Variants in ASXL2 observed in about 807,000 individuals in gnomAD.
The protein encoded by ASXL2 is putative Polycomb group protein ASXL2.
A neutral mutation model predicts 122.0 loss-of-function variants in ASXL2; 23 were observed. The ratio of observed to expected loss-of-function variants is 0.19; its 90% CI spans 0.14 to 0.27. The LOEUF (loss-of-function observed/expected upper bound fraction) is 0.27. ASXL2 is among the 10% of genes least tolerant of loss of function. The probability of loss-of-function intolerance (pLI) is 1.00; values close to 1 mark genes in which losing one functional copy is unlikely to be tolerated. For missense variants in ASXL2, 1,518 were observed against 1,713.8 expected (o/e 0.89, Z 2.02); for synonymous variants, 650 against 637.0 (o/e 1.02, Z -0.31).
intron 5 of ASXL2, among the ~76,000 whole-genome samples, chr2:25,775,659 A>G (rs1304168456): frequency 6.6e-6 from 1 of 152,060 alleles, no homozygotes; most frequent in Non-Finnish European, 1.5e-5. Context: ...GCCTTCTGCC[A>G]TGATTGTTGT....
chr2:25,811,220 TCTAGCCTGGG>T (rs1411458170), intron 3 of ASXL2, among the ~76,000 whole-genome samples: 1 of 151,828 alleles, frequency 6.6e-6, no homozygotes, highest in Non-Finnish European at 1.5e-5. Flanking sequence ...ACCACTGCAC[TCTAGCCTGGG>T]CAACAGAGTG....
intron 3 of ASXL2, 52 bp from the exon 4 acceptor site, chr2:25,806,389 T>C: frequency 1.6e-6 from 2 of 1,250,366 alleles, no homozygotes; most frequent in Non-Finnish European, 2.3e-6. Context: ...AATTTCTGTC[T>C]CTGAATATCC....
intron 2 of ASXL2, among the ~76,000 whole-genome samples, chr2:25,837,095 GGC>G (rs1559525016): frequency 1.8e-5 from 2 of 112,578 alleles, no homozygotes; most frequent in Non-Finnish European, 3.6e-5. Flanking sequence ...GGGGGGGGGG[GGC>G]GTGGGAAGCA....
At chr2:25,839,008 T>TTCC (rs2089546775) in intron 2 of ASXL2, among the ~76,000 whole-genome samples, 2 of 151,950 alleles carry the variant, frequency 1.3e-5, no homozygotes, top group Non-Finnish European at 2.9e-5. Flanking sequence ...AGAATAGGGG[T>TTCC]TCCTTAAACA....
At position 25,749,848 on chromosome 2, in the gene ASXL2, A is replaced by G; in HGVS notation, c.1708T>C (p.Ser570Pro). Residue 570 changes from serine (S) to proline (P), a missense_variant, in exon 12 of 13, where the codon TCT (serine) becomes CCT (proline). Physicochemically the swap from Ser to Pro is moderately conservative, Grantham distance 74. Coordinates refer to ENST00000435504, the MANE Select transcript of ASXL2 (RefSeq NM_018263.6). ...GGGGCCTCTTCTTGGGTGAGGGAAG[A>G]CTTCCTCTTGAGGCTTTCTGGGCTC... ...DQSPESLKRK[S>P]SLTQEEAPVS... 1 of 1,610,356 alleles carries G rather than the reference A, an allele frequency of 6.2e-7. No individual in the cohort carries two copies. The highest frequency in any genetic ancestry group is 8.5e-7 in the Non-Finnish European group (1 of 1,178,812).
rs1206371464 is a variant in ASXL2 at position 25,749,963 on chromosome 2, A to C, written c.1593T>G (p.Pro531=). ...LVTSPSKPKS[P]GVEKPIVKPT... ...GCTTCACTATTGGTTTTTCAACCCC[A>C]GGACTCTTGGGTTTGCTTGGCGATG... Residue 531 remains proline, a synonymous_variant, in exon 12 of 13, where the codon CCT becomes CCG. Transcript: ENST00000435504. 1 of 1,613,878 alleles carries C rather than the reference A, an allele frequency of 6.2e-7. No individual in the cohort carries two copies. The highest frequency in any genetic ancestry group is 1.3e-5 in the African/African-American group (1 of 74,922).
chr2:25,791,847 C>T (rs954087496), intron 5 of ASXL2, among the ~76,000 whole-genome samples: 1 of 152,140 alleles, frequency 6.6e-6, no homozygotes, highest in African/African-American at 2.4e-5. Flanking sequence ...AAGTCATGTG[C>T]TAATTATCTA....
At chr2:25,763,407 T>A (rs1347007388) in intron 8 of ASXL2, among the ~76,000 whole-genome samples, 3 of 151,918 alleles carry the variant, frequency 2.0e-5, no homozygotes, top group Admixed American at 6.6e-5. Context: ...GGAGAATCGC[T>A]TGAACCTGGG....
At chr2:25,753,381 A>G (rs2088079163) in intron 11 of ASXL2, among the ~76,000 whole-genome samples, 153 bp downstream of exon 11, 1 of 151,818 alleles carries the variant, frequency 6.6e-6, no homozygotes, top group Non-Finnish European at 1.5e-5. Context: ...ACTTCTTCCT[A>G]AAGAAGAATC....
chr2:25,856,231 AT>A (rs770737188), intron 1 of ASXL2, among the ~76,000 whole-genome samples: 1 of 150,060 alleles, frequency 6.7e-6, no homozygotes. Context: ...TAATTTTTGT[AT>A]TTTTATTAGA....
intron 3 of ASXL2, among the ~76,000 whole-genome samples, chr2:25,819,659 A>G (rs1426468125): frequency 6.6e-6 from 1 of 152,254 alleles, no homozygotes; most frequent in Non-Finnish European, 1.5e-5. Flanking sequence ...AAAAATGTCT[A>G]GTCATGAAAG....
chr2:25,758,677 T>C (rs1025231226), intron 9 of ASXL2, among the ~76,000 whole-genome samples: 12 of 138,800 alleles, frequency 8.6e-5, no homozygotes, highest in Admixed American at 7.7e-4. Context: ...TTTTGCTACT[T>C]TTGTTTTTTT....
rs1468579061 is a variant in ASXL2 at position 25,744,629 on chromosome 2, A to G, written c.1861-153T>C. On this transcript the variant is annotated intron_variant, in intron 12 of 12. Coordinates refer to ENST00000435504, the MANE Select transcript of ASXL2 (RefSeq NM_018263.6). This position sits in a 1 kb window ranked among gnomAD's most constrained non-coding sequence, Gnocchi z 4.7. ...CTATGGCCGAGAGGCCAAACCTTGG[A>G]GACAGCAATACTAGTTTGTCTCTAG... is the stretch of plus-strand genomic sequence containing the variant. Among the ~76,000 whole-genome samples the G allele has an allele frequency of 6.6e-6, 1 of 152,176 alleles. No homozygotes were observed. Among genetic ancestry groups the G allele is most frequent in the Admixed American group, 6.5e-5 (1 of 15,284 alleles).
At chr2:25,855,376 T>C (rs1487552989) in intron 1 of ASXL2, among the ~76,000 whole-genome samples, 1 of 152,054 alleles carries the variant, frequency 6.6e-6, no homozygotes, top group African/African-American at 2.4e-5. Flanking sequence ...TGAAACTCTA[T>C]CCCTACTAAA....
chr2:25,851,124 C>T (rs1466539253), intron 1 of ASXL2, among the ~76,000 whole-genome samples: 4 of 134,016 alleles, frequency 3.0e-5, no homozygotes, highest in Non-Finnish European at 6.4e-5. Context: ...CCAGCCTGGG[C>T]AACAAGAGCA....
intron 3 of ASXL2, among the ~76,000 whole-genome samples, chr2:25,811,128 C>T (rs1441970928): frequency 6.7e-6 from 1 of 148,894 alleles, no homozygotes; most frequent in African/African-American, 2.5e-5. Context: ...TGGCACACGC[C>T]TGTAGTACCA....
intron 1 of ASXL2, among the ~76,000 whole-genome samples, chr2:25,876,520 A>G (rs1335647363): frequency 7.2e-5 from 11 of 152,214 alleles, no homozygotes; most frequent in Non-Finnish European, 1.5e-4. Context: ...AATATTTTTA[A>G]TTAAAAAAAC....
Position 25,741,932 on chromosome 2 carries a change from T to C in ASXL2, c.*97A>G. The C allele has an allele frequency of 8.3e-7, 1 of 1,202,242 alleles. No individual in the cohort carries two copies. The highest frequency in any genetic ancestry group is 1.2e-6 in the Non-Finnish European group (1 of 852,094). The allele number at this position is 1,202,242 out of a possible 1,614,324, so 74.5% of individuals were successfully genotyped here. A position where few individuals can be genotyped will look rare whatever the true frequency, so the allele number is the denominator to read the frequency against. ...TTTGTCTCTGAAGACAACTGAAACC[T>C]ACTTGTTTATTTCTGTGATTCCAAA... is the stretch of plus-strand genomic sequence containing the variant. On this transcript the variant is annotated 3_prime_UTR_variant, in exon 13 of 13. Transcript: ENST00000435504.
At chr2:25,780,869 C>T (rs529595551) in intron 5 of ASXL2, among the ~76,000 whole-genome samples, 128 of 151,266 alleles carry the variant, frequency 8.5e-4, no homozygotes, top group African/African-American at 3.0e-3. Context: ...GGGCGGATCA[C>T]GAGGTCAGGA....
Sources: gnomAD v4.1 joint callset for allele counts (sites outside exome capture counted in the v4.1 genomes callset) on GRCh38, gnomAD v4.1.1 for gene constraint, Gnocchi (gnomAD v3.1) non-coding constraint, MANE v1.5 for transcripts, NCBI Gene and HGNC (gene_info 2026-07-23, HGNC 2026-07-21) for gene names.